The following ZMYND11 variants were observed in gnomAD, a reference collection of about 807,000 sequenced individuals.
ZMYND11 encodes zinc finger MYND-type containing 11, also known as zinc finger MYND domain-containing protein 11.
A neutral mutation model predicts 84.9 loss-of-function variants in ZMYND11; 9 were observed. The observed-to-expected ratio is 0.11, with a 90% CI of 0.06 to 0.18. The LOEUF is 0.18. Among genes scored for constraint, ZMYND11 ranks in the 10% least tolerant of loss-of-function variants. ZMYND11 has a pLI of 1.00. For missense variants in ZMYND11, 409 were observed against 761.0 expected, an observed-to-expected ratio of 0.54 and a Z score of 5.44; for synonymous variants, 250 against 244.1, an observed-to-expected ratio of 1.02 and a Z score of -0.23.
chr10:234,610 TGATA>T (rs1949605401), intron 4 of ZMYND11, among the ~76,000 whole-genome samples: 1 of 152,240 alleles, frequency 6.6e-6, no homozygotes, highest in African/African-American at 2.4e-5. Context: ...TTAATGACAT[TGATA>T]TTTGAAATCA....
intron 4 of ZMYND11, among the ~76,000 whole-genome samples, chr10:226,098 A>G (rs1456457819): frequency 6.6e-6 from 1 of 152,170 alleles, no homozygotes; most frequent in Non-Finnish European, 1.5e-5. Context: ...TACCACTCCA[A>G]GAAAGCATCT....
chr10:168,836 G>C (rs1372814281), intron 1 of ZMYND11, among the ~76,000 whole-genome samples: 1 of 152,114 alleles, frequency 6.6e-6, no homozygotes, highest in Non-Finnish European at 1.5e-5. Context: ...ATCAGTGCTG[G>C]AGTAGGAAAG....
At chr10:167,455 C>G (rs1844267164) in intron 1 of ZMYND11, among the ~76,000 whole-genome samples, 1 of 152,068 alleles carries the variant, frequency 6.6e-6, no homozygotes. Flanking sequence ...TTTTGCTTTA[C>G]TAGTATAACT....
At chr10:204,693 G>T (rs1293781547) in intron 2 of ZMYND11, among the ~76,000 whole-genome samples, 2 of 151,990 alleles carry the variant, frequency 1.3e-5, no homozygotes, top group African/African-American at 4.8e-5. Flanking sequence ...ACTCATTCTT[G>T]TTTTGTTAAG....
chr10:200,205 G>GGTGTGTGTGTGTGTGTGTGTGTGCGT (rs71374347), intron 2 of ZMYND11, among the ~76,000 whole-genome samples: 1 of 132,434 alleles, frequency 7.6e-6, no homozygotes, highest in Non-Finnish European at 1.6e-5. Context: ...GCCTGGCTAG[G>GGTGTGTGTGTGTGTGTGTGTGTGCGT]GTGTGTGTGT....
rs556102305 is a variant in ZMYND11, at chr10:252,991, G to T, written c.*521G>T. 2 of 152,850 alleles carry T rather than the reference G, an allele frequency of 1.3e-5. No individual in the cohort carries two copies. Among genetic ancestry groups the T allele is most frequent in the South Asian group, 4.1e-4 (2 of 4,830 alleles). The allele number at this position is 152,850 out of a possible 1,614,324, so 9.5% of individuals were successfully genotyped here. Reference sequence around the variant, plus strand: ...ACCAGTGGGTATATGATTGAATTTAGGGAACAGGGTTGACACAGCAGGGCT... The same window carrying T: ...ACCAGTGGGTATATGATTGAATTTATGGAACAGGGTTGACACAGCAGGGCT... On this transcript the variant is annotated 3_prime_UTR_variant, in exon 15 of 15. Transcript: ENST00000381604. This position sits in a 1 kb window ranked among gnomAD's most constrained non-coding sequence, Gnocchi z 4.6.
intron 2 of ZMYND11, among the ~76,000 whole-genome samples, chr10:188,189 T>C (rs901338798): frequency 2.0e-5 from 3 of 152,168 alleles, no homozygotes; most frequent in African/African-American, 7.2e-5. Context: ...ATGCTTAAGA[T>C]GTTAGCCCTC....
intron 10 of ZMYND11, among the ~76,000 whole-genome samples, chr10:242,994 C>A (rs1951348944): frequency 2.1e-5 from 1 of 48,468 alleles, no homozygotes; most frequent in African/African-American, 4.5e-5. Flanking sequence ...GTTTTAATTA[C>A]ATTAAGTGGT....
rs144273604 is a variant in ZMYND11 at position 143,284 on chromosome 10, G to A, written c.-20+7725G>A. Among the ~76,000 whole-genome samples the A allele has an allele frequency of 5.4e-3, 828 of 152,334 alleles. 4 individuals are homozygous for A. Among genetic ancestry groups the A allele is most frequent in the African/African-American group, 0.019 (781 of 41,582 alleles). ...TGACACTCAGCAGTGATGCTGCAAC[G>A]GGATAATTGAGGGCTAGGCATGGGG... On this transcript the variant is annotated intron_variant, in intron 1 of 14. Coordinates refer to ENST00000381604, the MANE Select transcript of ZMYND11 (RefSeq NM_001370100.5).
At chr10:237,920 C>G (rs1415827618) in intron 6 of ZMYND11, among the ~76,000 whole-genome samples, 2 of 152,064 alleles carry the variant, frequency 1.3e-5, no homozygotes, top group Non-Finnish European at 2.9e-5. Flanking sequence ...TAAAGATGAG[C>G]AGCTTGTAGC....
At chr10:207,107 C>T (rs1053300571) in intron 2 of ZMYND11, among the ~76,000 whole-genome samples, 2 of 151,934 alleles carry the variant, frequency 1.3e-5, no homozygotes, top group African/African-American at 4.8e-5. Context: ...TTTGTCCTTG[C>T]GATAGTTTAC....
chr10:140,889 A>G (rs1215243644), intron 1 of ZMYND11, among the ~76,000 whole-genome samples: 1 of 152,232 alleles, frequency 6.6e-6, no homozygotes, highest in Non-Finnish European at 1.5e-5. Flanking sequence ...TGCTTCATAA[A>G]TGTCTAAAAG....
chr10:130,201 C>T (rs1554749785), upstream of ZMYND11, among the ~76,000 whole-genome samples: 1 of 152,206 alleles, frequency 6.6e-6, no homozygotes, highest in East Asian at 1.9e-4. Context: ...ATTGTTTCTT[C>T]TGTTCCAGGT....
Position 162,167 on chromosome 10 carries a change from T to C in ZMYND11, c.-19-17827T>C, listed in dbSNP as rs191940426. ...TCAAGGAGGCTCGAGCAGAGGGAGA[T>C]AGATGGGAGAATGAGCAGTTGGTGG... On this transcript the variant is annotated intron_variant, in intron 1 of 14. Transcript: ENST00000381604. 1.8e-4 allele frequency among the ~76,000 whole-genome samples: 28 copies of C among 152,240 alleles called. No homozygotes were observed. The East Asian group carries it at 5.2e-3, about 28-fold the overall frequency.
At chr10:180,548 C>T (rs1306184877) in intron 2 of ZMYND11, among the ~76,000 whole-genome samples, 4 of 152,130 alleles carry the variant, frequency 2.6e-5, no homozygotes, top group African/African-American at 4.8e-5. Flanking sequence ...TACAGGCACC[C>T]GCCACCACGC....
intron 1 of ZMYND11, chr10:148,166 C>G (rs1458365233): frequency 1.3e-5 from 2 of 152,296 alleles, no homozygotes; most frequent in Non-Finnish European, 2.9e-5. Context: ...GGTGGTTCTA[C>G]AGGTTTGGCA....
chr10:194,831 A>G (rs1171300727), intron 2 of ZMYND11, among the ~76,000 whole-genome samples: 1 of 152,230 alleles, frequency 6.6e-6, no homozygotes, highest in African/African-American at 2.4e-5. Context: ...CTGCATGTCT[A>G]GAGTTCTGGA....
At chr10:228,572 C>A (rs893231808) in intron 4 of ZMYND11, among the ~76,000 whole-genome samples, 9 of 152,232 alleles carry the variant, frequency 5.9e-5, no homozygotes, top group Non-Finnish European at 7.3e-5. Flanking sequence ...GTAGTACTTA[C>A]ATTGGCTGGA....
chr10:152,069 T>C (rs1292574518), intron 1 of ZMYND11, among the ~76,000 whole-genome samples: 1 of 152,178 alleles, frequency 6.6e-6, no homozygotes, highest in Non-Finnish European at 1.5e-5. Context: ...AAGGAAGCAC[T>C]AAACATGGAA....
Sources: gnomAD v4.1 joint callset for allele counts (sites outside exome capture counted in the v4.1 genomes callset) on GRCh38, gnomAD v4.1.1 for gene constraint, Gnocchi (gnomAD v3.1) non-coding constraint, MANE v1.5 for transcripts, NCBI Gene and HGNC (gene_info 2026-07-23, HGNC 2026-07-21) for gene names.